SORCS2: variants seen among roughly 807,000 people sequenced by gnomAD.
The protein encoded by SORCS2 is VPS10 domain-containing receptor SorCS2.
Under a neutral mutation model 141.6 loss-of-function variants are expected in SORCS2, and 100 were observed. The observed-to-expected ratio is 0.71, with a 90% confidence interval of 0.60 to 0.83. The LOEUF (loss-of-function observed/expected upper bound fraction) is 0.83. Ranked by LOEUF, SORCS2 falls within the 40% of genes least tolerant of loss-of-function variation. The pLI is 0.00. For synonymous variants in SORCS2, 789 were observed against 676.9 expected, an observed-to-expected ratio of 1.17 and a Z score of -2.57; for missense variants, 1,646 against 1,560.2, an observed-to-expected ratio of 1.05 and a Z score of -0.93.
intron 8 of SORCS2, among the ~76,000 whole-genome samples, chr4:7,669,174 T>A (rs924610111): frequency 6.6e-6 from 1 of 152,168 alleles, no homozygotes. Context: ...TTGGAGGTCA[T>A]TGAAAAGACT....
At chr4:7,681,658 T>C (rs1389010089) in intron 9 of SORCS2, among the ~76,000 whole-genome samples, 1 of 152,210 alleles carries the variant, frequency 6.6e-6, no homozygotes, top group African/African-American at 2.4e-5. Context: ...TGCTGGAAGC[T>C]CAGACCCCAG....
At chr4:7,354,130 A>T (rs1229996540) in intron 1 of SORCS2, among the ~76,000 whole-genome samples, 1 of 151,576 alleles carries the variant, frequency 6.6e-6, no homozygotes, top group East Asian at 1.9e-4. Context: ...CTCTGCACGG[A>T]CCCCACCCTG....
intron 17 of SORCS2, among the ~76,000 whole-genome samples, chr4:7,715,638 G>T (rs919041604): frequency 1.3e-5 from 2 of 152,198 alleles, no homozygotes; most frequent in Non-Finnish European, 2.9e-5. Context: ...GACAGAAAAG[G>T]TCCAAGGTGC....
chr4:7,365,479 T>G (rs541399151), intron 1 of SORCS2, among the ~76,000 whole-genome samples: 2 of 152,138 alleles, frequency 1.3e-5, no homozygotes, highest in African/African-American at 2.4e-5. Flanking sequence ...ACCAGAGCTG[T>G]CGAGAGTTCA....
At chr4:7,306,437 G>A (rs866621455) in intron 1 of SORCS2, among the ~76,000 whole-genome samples, 7 of 152,198 alleles carry the variant, frequency 4.6e-5, no homozygotes, top group Non-Finnish European at 8.8e-5. Flanking sequence ...TGAGGGTGGC[G>A]GTGGCCCTGC....
rs925628613 is a variant in SORCS2 at position 7,252,453 on chromosome 4, C to A, written c.480+59327C>A. ...GAGGGTGGTCCGTGCTTCTCACCCCCTTCTCTTTTTTTGGAATGTTCCTAT... is the reference window on the plus strand; with the variant it reads ...GAGGGTGGTCCGTGCTTCTCACCCCATTCTCTTTTTTTGGAATGTTCCTAT... On this transcript the variant is annotated intron_variant, in intron 1 of 26. Coordinates refer to ENST00000507866, the MANE Select transcript of SORCS2 (RefSeq NM_020777.3). 4.7e-4 allele frequency among the ~76,000 whole-genome samples: 71 copies of A among 152,336 alleles called. 1 individual carries two copies. The highest frequency in any genetic ancestry group is 1.4e-3 in the South Asian group (7 of 4,832).
chr4:7,382,511 G>T (rs4689111), intron 1 of SORCS2, among the ~76,000 whole-genome samples: 3 of 151,996 alleles, frequency 2.0e-5, no homozygotes. Flanking sequence ...CCAGGGAGCC[G>T]GGAAGGCCTT....
intron 1 of SORCS2, among the ~76,000 whole-genome samples, chr4:7,195,654 AG>A (rs1426421795): frequency 2.0e-5 from 3 of 152,222 alleles, no homozygotes; most frequent in African/African-American, 7.2e-5. Flanking sequence ...TCATTGCCTT[AG>A]TGCTTGTTGC....
chr4:7,418,191 T>G (rs536564732), intron 2 of SORCS2, among the ~76,000 whole-genome samples: 1 of 152,204 alleles, frequency 6.6e-6, no homozygotes, highest in South Asian at 2.1e-4. Flanking sequence ...ACTCCGGAGA[T>G]TCAATGTTGA....
chr4:7,350,607 G>C (rs914423768), intron 1 of SORCS2, among the ~76,000 whole-genome samples: 1 of 152,236 alleles, frequency 6.6e-6, no homozygotes, highest in Non-Finnish European at 1.5e-5. Context: ...TGAAGGCCAG[G>C]ACTCCCGGCA....
At chr4:7,419,241 G>A (rs1725887012) in intron 2 of SORCS2, among the ~76,000 whole-genome samples, 1 of 152,214 alleles carries the variant, frequency 6.6e-6, no homozygotes, top group Non-Finnish European at 1.5e-5. Flanking sequence ...ACTGCTGAGT[G>A]CTTTCTGGGG....
chr4:7,364,768 A>G (rs1215524622), intron 1 of SORCS2, among the ~76,000 whole-genome samples: 1 of 152,250 alleles, frequency 6.6e-6, no homozygotes, highest in Non-Finnish European at 1.5e-5. Context: ...TCCATGTCAC[A>G]GAAGAGAAAA....
At chr4:7,671,941 CTT>C (rs34912914) in intron 8 of SORCS2, among the ~76,000 whole-genome samples, 26,977 of 128,284 alleles carry the variant, frequency 0.21, 3,506 homozygotes, top group African/African-American at 0.46. Context: ...AAGACAGAAA[CTT>C]TTTTTTTTTT....
At chr4:7,693,662 T>C (rs1724400736) in intron 11 of SORCS2, among the ~76,000 whole-genome samples, 1 of 152,220 alleles carries the variant, frequency 6.6e-6, no homozygotes, top group Non-Finnish European at 1.5e-5. Flanking sequence ...GATGGTAGCA[T>C]TTAGCCAAGA....
At chr4:7,720,019 ACACT>A (rs1384626803) in intron 18 of SORCS2, among the ~76,000 whole-genome samples, 2 of 152,150 alleles carry the variant, frequency 1.3e-5, no homozygotes, top group Non-Finnish European at 2.9e-5. Context: ...TCCGAGGCAC[ACACT>A]CACTGGTACA....
At chr4:7,375,497 C>G (rs750611122) in intron 1 of SORCS2, among the ~76,000 whole-genome samples, 3 of 152,102 alleles carry the variant, frequency 2.0e-5, no homozygotes, top group Non-Finnish European at 4.4e-5. Context: ...ATGGCTGGGC[C>G]CAGCCAGTGA....
intron 1 of SORCS2, among the ~76,000 whole-genome samples, chr4:7,342,492 T>G (rs755728496): frequency 3.3e-5 from 5 of 152,164 alleles, no homozygotes; most frequent in Non-Finnish European, 7.4e-5. Flanking sequence ...CCTTTCTTCT[T>G]TCTTTATTCA....
chr4:7,561,128 C>T (rs991031895), intron 3 of SORCS2, among the ~76,000 whole-genome samples: 2 of 152,168 alleles, frequency 1.3e-5, no homozygotes, highest in Admixed American at 6.5e-5. Context: ...TCATTCATCC[C>T]TGGGTGTCTA....
In SORCS2 at chr4:7,715,293, C is replaced by T. The variant is rs16840899; in HGVS notation, c.2234C>T (p.Thr745Ile). The T allele has an allele frequency of 3.1e-3, 4,999 of 1,612,928 alleles. 127 individuals are homozygous for T. The African/African-American group carries it at 0.059, about 19-fold the overall frequency. ...CCTGACGACTGTGCCCTGGGCCAGA[C>T]CTACACCAGCAGCCTTGGGTGAGTG... ...SPPDDCALGQ[T>I]YTSSLGYRKV... The change falls in exon 17 of 27, where the codon ACC becomes ATC. Residue 745 changes from threonine to isoleucine, a missense_variant. Physicochemically the swap from Thr to Ile is moderately conservative, Grantham distance 89. Transcript: ENST00000507866.
Sources: allele counts gnomAD v4.1 joint callset (sites outside exome capture counted in the v4.1 genomes callset), GRCh38; gene constraint gnomAD v4.1.1; transcripts MANE v1.5; gene names NCBI Gene and HGNC (gene_info 2026-07-23, HGNC 2026-07-21).